ADAM29: variants seen among roughly 807,000 people sequenced by gnomAD.
ADAM29 encodes the protein ADAM metallopeptidase domain 29.
For synonymous variants in ADAM29, 367 were observed against 342.3 expected, an observed-to-expected ratio of 1.07 and a Z score of -0.80; for missense variants, 969 against 1,001.8, an observed-to-expected ratio of 0.97 and a Z score of 0.44.
At chr4:174,969,039 A>C (rs1396534384) in intron 4 of ADAM29, among the ~76,000 whole-genome samples, 1 of 152,084 alleles carries the variant, frequency 6.6e-6, no homozygotes, top group Non-Finnish European at 1.5e-5. Context: ...TCACCCTAGA[A>C]AATTCAACGT....
Position 174,975,667 on chromosome 4 carries a change from C to A in ADAM29, c.142C>A (p.Pro48Thr), listed in dbSNP as rs754062912. The change falls in exon 5 of 5, where the codon CCT (proline) becomes ACT (threonine). Residue 48 changes from proline to threonine, a missense_variant. Physicochemically the swap from Pro to Thr is conservative, Grantham distance 38. Transcript: ENST00000359240. The stretch of plus-strand genomic sequence containing the variant: ...AACTGGCACCACCAGAGGCATGACA[C>A]CTCCAGGCTGGCTCTCCTATATCCT... The part of the protein sequence containing the change: ...RITGTTRGMT[P>T]PGWLSYILPF... 9 of 1,613,252 alleles carry A rather than the reference C, an allele frequency of 5.6e-6. No individual in the cohort carries two copies. The highest frequency in any genetic ancestry group is 1.1e-5 in the South Asian group (1 of 90,930).
chr4:174,940,109 G>A (rs1011678476), intron 4 of ADAM29, among the ~76,000 whole-genome samples: 3 of 151,972 alleles, frequency 2.0e-5, no homozygotes, highest in African/African-American at 4.8e-5. Context: ...CACTGTTTTT[G>A]CTATTGTTTT....
intron 4 of ADAM29, among the ~76,000 whole-genome samples, chr4:174,953,014 C>G (rs561354304): frequency 6.6e-6 from 1 of 152,100 alleles, no homozygotes; most frequent in African/African-American, 2.4e-5. Flanking sequence ...AGGCTGGGCG[C>G]GATGGCTCAC....
At chr4:174,967,176 G>A (rs1408541097) in intron 4 of ADAM29, among the ~76,000 whole-genome samples, 1 of 152,152 alleles carries the variant, frequency 6.6e-6, no homozygotes, top group African/African-American at 2.4e-5. Flanking sequence ...CACCTCTGAA[G>A]TTTTGAAATA....
chr4:174,960,407 A>G (rs1396762680), intron 4 of ADAM29, among the ~76,000 whole-genome samples: 1 of 152,140 alleles, frequency 6.6e-6, no homozygotes, highest in Admixed American at 6.5e-5. Flanking sequence ...TTTAATTATT[A>G]TCAAAGTATA....
chr4:174,962,880 A>C (rs1579067924), intron 4 of ADAM29, among the ~76,000 whole-genome samples: 1 of 152,192 alleles, frequency 6.6e-6, no homozygotes, highest in Non-Finnish European at 1.5e-5. Context: ...TTGATAATTG[A>C]GTCAAGCACG....
In ADAM29 at chr4:174,977,522, C is replaced by CA; in HGVS notation, c.1998dup (p.Pro667ThrfsTer3). ...TATGGAGGTAGTGTTGACAGTGGCC[C>CA]ACCCCCTAAGAGAAAGAAGAAAAAG... On this transcript the variant is annotated frameshift_variant, in exon 5 of 5. Coordinates refer to ENST00000359240, the MANE Select transcript of ADAM29 (RefSeq NM_014269.4). LOFTEE classifies it low-confidence loss of function (END_TRUNC). The CA allele has an allele frequency of 1.9e-6, 3 of 1,614,162 alleles. No individual in the cohort carries two copies. Among genetic ancestry groups the CA allele is most frequent in the Non-Finnish European group, 2.5e-6 (3 of 1,180,034 alleles).
In ADAM29 at chr4:174,977,384, T is replaced by C; in HGVS notation, c.1859T>C (p.Ile620Thr). The C allele has an allele frequency of 1.2e-6, 2 of 1,613,910 alleles. No individual in the cohort carries two copies. The highest frequency in any genetic ancestry group is 1.7e-6 in the Non-Finnish European group (2 of 1,180,010). Residue 620 changes from isoleucine (I) to threonine (T), a missense_variant, in exon 5 of 5, where the codon ATC becomes ACC. By Grantham distance (89) the Ile-to-Thr change is moderately conservative (BLOSUM62 -1). Transcript: ENST00000359240. ...CACAGGCACTGTGTCCATATAACCA[T>C]CTTGAATAGTAATTGCTCACCTGCA... ...CIHRHCVHIT[I>T]LNSNCSPAFC... is the part of the protein sequence containing the mutation.
At position 174,976,386 on chromosome 4, in the gene ADAM29, T is replaced by C; in HGVS notation, c.861T>C (p.His287=). Residue 287 remains histidine, a synonymous_variant, in exon 5 of 5, where the codon CAT becomes CAC. Transcript: ENST00000359240. ...CCCGGATGCAACATGACACCTCACATCTTTTCACAACTCTAGGATTAAGAG... is the reference window on the plus strand; with the variant it reads ...CCCGGATGCAACATGACACCTCACACCTTTTCACAACTCTAGGATTAAGAG... ...ITPRMQHDTS[H]LFTTLGLRGL... is the part of the protein sequence containing the mutation. 1 of 1,600,114 alleles carries C rather than the reference T, an allele frequency of 6.2e-7. No homozygotes were observed. The highest frequency in any genetic ancestry group is 1.1e-5 in the South Asian group (1 of 87,830).
intron 4 of ADAM29, among the ~76,000 whole-genome samples, chr4:174,942,947 C>T (rs1018636811): frequency 2.0e-5 from 3 of 152,206 alleles, no homozygotes; most frequent in African/African-American, 7.2e-5. Context: ...AAAGCCAGGT[C>T]ACATCTTGAG....
At chr4:174,966,821 T>C (rs1430756199) in intron 4 of ADAM29, among the ~76,000 whole-genome samples, 1 of 152,230 alleles carries the variant, frequency 6.6e-6, no homozygotes, top group Non-Finnish European at 1.5e-5. Flanking sequence ...TTCCATTCTC[T>C]TGAAGAATAG....
chr4:174,923,166 C>T (rs1339333604), intron 2 of ADAM29, among the ~76,000 whole-genome samples: 1 of 151,996 alleles, frequency 6.6e-6, no homozygotes, highest in Non-Finnish European at 1.5e-5. Context: ...GGTGATTCTC[C>T]TGGCTCAGCC....
At chr4:174,937,957 G>A (rs1401052934) in intron 4 of ADAM29, among the ~76,000 whole-genome samples, 3 of 152,074 alleles carry the variant, frequency 2.0e-5, no homozygotes, top group African/African-American at 7.2e-5. Flanking sequence ...TTCATTGTTT[G>A]TAGTCCAACA....
chr4:174,969,840 A>G (rs1746374313), intron 4 of ADAM29, among the ~76,000 whole-genome samples: 1 of 152,130 alleles, frequency 6.6e-6, no homozygotes, highest in African/African-American at 2.4e-5. Context: ...ACTATTATAA[A>G]TAATGCTATG....
At chr4:174,957,936 G>A (rs899749790) in intron 4 of ADAM29, among the ~76,000 whole-genome samples, 13 of 151,820 alleles carry the variant, frequency 8.6e-5, no homozygotes, top group Non-Finnish European at 1.9e-4. Context: ...AAGATTCACT[G>A]CTCATGGATC....
At chr4:174,926,943 C>A (rs1278803100) in intron 2 of ADAM29, among the ~76,000 whole-genome samples, 1 of 151,982 alleles carries the variant, frequency 6.6e-6, no homozygotes, top group Non-Finnish European at 1.5e-5. Flanking sequence ...AAAAACAATA[C>A]AAACTAGGCA....
intron 4 of ADAM29, among the ~76,000 whole-genome samples, chr4:174,969,034 C>T (rs777961515): frequency 2.6e-5 from 4 of 152,026 alleles, no homozygotes; most frequent in African/African-American, 9.7e-5. Flanking sequence ...GATCTTCACC[C>T]TAGAAAATTC....
At chr4:174,920,294 T>C (rs1179198472) in intron 1 of ADAM29, among the ~76,000 whole-genome samples, 2 of 152,206 alleles carry the variant, frequency 1.3e-5, no homozygotes, top group East Asian at 3.8e-4. Context: ...TTCCCTATTT[T>C]GCCAGTCTTT....
At chr4:174,971,431 TTA>T (rs1428929876) in intron 4 of ADAM29, among the ~76,000 whole-genome samples, 1 of 152,114 alleles carries the variant, frequency 6.6e-6, no homozygotes, top group African/African-American at 2.4e-5. Context: ...CAGATTTTGT[TTA>T]TTTTAAGTAG....
Sources: allele counts gnomAD v4.1 joint callset (sites outside exome capture counted in the v4.1 genomes callset), GRCh38; gene constraint gnomAD v4.1.1; transcripts MANE v1.5; gene names NCBI Gene and HGNC (gene_info 2026-07-23, HGNC 2026-07-21).